Variants in SLC2A7 observed in about 807,000 individuals in gnomAD.
SLC2A7 encodes the protein solute carrier family 2 member 7, also known as solute carrier family 2, facilitated glucose transporter member 7.
Under a neutral mutation model 50.5 loss-of-function variants are expected in SLC2A7, and 50 were observed. The observed-to-expected ratio is 0.99, with a 90% CI of 0.79 to 1.25. SLC2A7 has a LOEUF of 1.25. SLC2A7 is among the 50% of genes most tolerant of loss of function. SLC2A7 has a pLI of 0.00. For missense variants in SLC2A7, 683 were observed against 679.1 expected (o/e 1.01, Z -0.06); for synonymous variants, 308 against 300.4 (o/e 1.03, Z -0.26).
intron 2 of SLC2A7, among the ~76,000 whole-genome samples, chr1:9,023,838 CTTTTTTTTTTTTTTT>C (rs1162143987): frequency 1.7e-4 from 3 of 17,156 alleles, no homozygotes; most frequent in African/African-American, 2.4e-4. Flanking sequence ...TATTCTTCTT[CTTTTTTTTTTTTTTT>C]TTTTTTTTTT....
the SLC2A7 span, among the ~76,000 whole-genome samples, chr1:8,993,413 T>C: frequency 6.6e-6 from 1 of 152,138 alleles, no homozygotes; most frequent in Non-Finnish European, 1.5e-5. Flanking sequence ...GGCTTTAGGG[T>C]TTGAATCCAC....
At chr1:9,013,453 TG>T in intron 8 of SLC2A7, 71 bp downstream of exon 8, 1 of 1,353,566 alleles carries the variant, frequency 7.4e-7, no homozygotes, top group Non-Finnish European at 1.0e-6. Flanking sequence ...GTTCACTCTG[TG>T]GGGCTCCTGT....
At chr1:8,995,219 C>G in the SLC2A7 span, among the ~76,000 whole-genome samples, 15 of 148,548 alleles carry the variant, frequency 1.0e-4, no homozygotes, top group African/African-American at 3.7e-4. Context: ...GAGGCCGTCG[C>G]GGGTGGATCA....
intron 3 of SLC2A7, among the ~76,000 whole-genome samples, chr1:9,020,212 G>T (rs1288594301): frequency 6.6e-6 from 1 of 152,176 alleles, no homozygotes; most frequent in East Asian, 1.9e-4. Flanking sequence ...GATCGGAGCT[G>T]CCTGCAAAGG....
At position 9,023,077 on chromosome 1, in the gene SLC2A7, A is replaced by T; in HGVS notation, c.152T>A (p.Val51Asp). Residue 51 changes from valine to aspartate, a missense_variant and splice_region_variant, in exon 3 of 12, where the codon GTC (valine) becomes GAC (aspartate). Coordinates refer to ENST00000400906, the MANE Select transcript of SLC2A7 (RefSeq NM_207420.3). Reference sequence around the variant, plus strand: ...GGTTTCGTTGTAAAATGACTTGAAGACCTGGAAAACATTGCCCCATCCACA... The same window carrying T: ...GGTTTCGTTGTAAAATGACTTGAAGTCCTGGAAAACATTGCCCCATCCACA... ...NLSVVNTPHK[V>D]FKSFYNETYF... is the part of the protein sequence containing the mutation. The T allele has an allele frequency of 6.2e-7, 1 of 1,613,148 alleles. No individual in the cohort carries two copies. The highest frequency in any genetic ancestry group is 8.5e-7 in the Non-Finnish European group (1 of 1,179,318).
At chr1:9,022,133 G>T (rs1053762586) in intron 3 of SLC2A7, among the ~76,000 whole-genome samples, 1 of 152,164 alleles carries the variant, frequency 6.6e-6, no homozygotes, top group Non-Finnish European at 1.5e-5. Flanking sequence ...TTCTATGCCT[G>T]AAAATGGAAT....
intron 9 of SLC2A7, among the ~76,000 whole-genome samples, chr1:9,007,728 T>C (rs1242058562): frequency 6.8e-6 from 1 of 147,218 alleles, no homozygotes; most frequent in Non-Finnish European, 1.5e-5. Flanking sequence ...TCTGAGTGAC[T>C]CTACGATTCT....
downstream of SLC2A7, among the ~76,000 whole-genome samples, chr1:8,999,047 A>G (rs755279019): frequency 4.6e-5 from 7 of 152,200 alleles, no homozygotes; most frequent in Non-Finnish European, 1.0e-4. Flanking sequence ...GGTAGAATTT[A>G]CCAGTGAAGC....
In SLC2A7 at chr1:9,013,431, C is replaced by T. The variant is rs912662370; in HGVS notation, c.1014+94G>A. On this transcript the variant is annotated intron_variant, in intron 8 of 11. Transcript: ENST00000400906. ...CCTTAAATGACCCCAGGACCAGGGC[C>T]ACCAGCACTCAGTTCACTCTGTGGG... is the stretch of plus-strand genomic sequence containing the variant. 6 of 1,025,538 alleles carry T rather than the reference C, an allele frequency of 5.9e-6. No homozygotes were observed. In the African/African-American group the frequency reaches 6.4e-5, roughly 11 times the overall value. 63.5% of individuals were successfully genotyped at this position (1,025,538 alleles called of 1,614,324 possible).
chr1:9,020,902 A>G (rs1384125141), intron 3 of SLC2A7, among the ~76,000 whole-genome samples: 1 of 151,976 alleles, frequency 6.6e-6, no homozygotes, highest in African/African-American at 2.4e-5. Context: ...AAGGAAGAGT[A>G]TTTCTGCACA....
chr1:8,995,130 G>A, the SLC2A7 span, among the ~76,000 whole-genome samples: 2 of 150,892 alleles, frequency 1.3e-5, no homozygotes, highest in African/African-American at 4.9e-5. Flanking sequence ...AACGCCAAAA[G>A]ACAGTGTGGC....
At chr1:9,007,954 T>C (rs1640681584) in intron 9 of SLC2A7, among the ~76,000 whole-genome samples, 1 of 151,906 alleles carries the variant, frequency 6.6e-6, no homozygotes, top group African/African-American at 2.4e-5. Context: ...GGGCCCTGAA[T>C]ACAGACCATG....
At chr1:9,020,550 GC>G (rs542024818) in intron 3 of SLC2A7, among the ~76,000 whole-genome samples, 210 of 143,078 alleles carry the variant, frequency 1.5e-3, no homozygotes, top group African/African-American at 3.9e-3. Flanking sequence ...TGGCTCCTGT[GC>G]CCCCCCCCAC....
intron 3 of SLC2A7, among the ~76,000 whole-genome samples, chr1:9,022,598 G>A (rs397696748): frequency 7.2e-5 from 11 of 152,156 alleles, no homozygotes; most frequent in African/African-American, 1.4e-4. Context: ...CCTGATAAAC[G>A]AGCATTTACT....
chr1:9,004,409 G>A (rs993485975), intron 11 of SLC2A7, among the ~76,000 whole-genome samples: 1 of 151,930 alleles, frequency 6.6e-6, no homozygotes, highest in South Asian at 2.1e-4. Context: ...TGCTGAGAGC[G>A]CAGAGTTTGT....
At chr1:9,001,419 A>AT (rs767748961), downstream of SLC2A7, among the ~76,000 whole-genome samples, 27,900 of 124,302 alleles carry the variant, frequency 0.22, 3,308 homozygotes, top group Non-Finnish European at 0.28. Flanking sequence ...TGCAGGTGCT[A>AT]TTTTTTTTTT....
At chr1:9,007,512 C>T in intron 9 of SLC2A7, 127 bp from the exon 10 acceptor site, 1 of 800,122 alleles carries the variant, frequency 1.2e-6, no homozygotes, top group Non-Finnish European at 2.0e-6. Context: ...CCTCCATGGA[C>T]CTTGAGGGCT....
the SLC2A7 span, among the ~76,000 whole-genome samples, chr1:8,994,046 G>GCACTATTT: frequency 6.6e-6 from 1 of 152,210 alleles, no homozygotes. Context: ...TTTTCAATCA[G>GCACTATTT]CACTATTTTT....
rs1250410313 is a variant in SLC2A7, at chr1:9,019,265, A to G, written c.380T>C (p.Val127Ala). Residue 127 changes from valine to alanine, a missense_variant, in exon 4 of 12, where the codon GTG becomes GCG. Transcript: ENST00000400906. Reference protein sequence around the residue: ...IPAILMGVSKVAKAFELIVFS... With the variant: ...IPAILMGVSKAAKAFELIVFS... Reference sequence around the variant, plus strand: ...GACGATCAGCTCAAAAGCCTTGGCCACTTTGCTGACTCCCATCAGGATGGC... The same window carrying G: ...GACGATCAGCTCAAAAGCCTTGGCCGCTTTGCTGACTCCCATCAGGATGGC... The G allele has an allele frequency of 1.2e-6, 2 of 1,614,124 alleles. No homozygotes were observed. The highest frequency in any genetic ancestry group is 1.7e-6 in the Non-Finnish European group (2 of 1,180,004).
Sources: allele counts gnomAD v4.1 joint callset (sites outside exome capture counted in the v4.1 genomes callset), GRCh38; gene constraint gnomAD v4.1.1; transcripts MANE v1.5; gene names NCBI Gene and HGNC (gene_info 2026-07-23, HGNC 2026-07-21).